The following GFUS variants were observed in gnomAD, a reference collection of about 807,000 sequenced individuals.
GFUS encodes the protein GDP-L-fucose synthase, also known as 3-5 epimerase/4-reductase.
In GFUS, 42 loss-of-function variants were observed where a neutral mutation model predicts 41.5. The ratio of observed to expected loss-of-function variants is 1.01; its 90% CI spans 0.79 to 1.31. GFUS has a LOEUF of 1.31. Among genes scored for constraint, GFUS ranks in the 50% most tolerant of loss-of-function variants. GFUS has a pLI of 0.00. For missense variants in GFUS, 437 were observed against 428.7 expected (o/e 1.02, Z -0.17); for synonymous variants, 188 against 173.4 (o/e 1.08, Z -0.66).
At chr8:143,615,646 C>T (rs1829706344) in intron 3 of GFUS, among the ~76,000 whole-genome samples, 1 of 152,196 alleles carries the variant, frequency 6.6e-6, no homozygotes, top group Non-Finnish European at 1.5e-5. Flanking sequence ...GGCCCTTACA[C>T]CACGCCCCCT....
rs769916787 is a variant in GFUS, at chr8:143,616,155, G to A, written c.212C>T (p.Ala71Val). 2 of 1,613,076 alleles carry A rather than the reference G, an allele frequency of 1.2e-6. No individual in the cohort carries two copies. The highest frequency in any genetic ancestry group is 1.1e-5 in the South Asian group (1 of 91,032). ...ATTCCGGAACAGGCCCCCCACCATT[G>A]CAGCAAGATGGATGACGTGTGTGGG... ...VQPTHVIHLA[A>V]MVGGLFRNIK... The change falls in exon 3 of 11, where the codon GCA becomes GTA. Residue 71 changes from alanine to valine, a missense_variant. Transcript: ENST00000425753.
intron 2 of GFUS, 49 bp downstream of exon 2, chr8:143,616,518 G>T (rs375190182): frequency 6.2e-5 from 100 of 1,611,286 alleles, no homozygotes; most frequent in Non-Finnish European, 6.9e-5. Flanking sequence ...GTTCTAGGGT[G>T]GGGGGTAGGA....
At chr8:143,613,459 C>T (rs530315174) in intron 9 of GFUS, 65 bp downstream of exon 9, 25 of 1,560,954 alleles carry the variant, frequency 1.6e-5, no homozygotes, top group South Asian at 7.9e-5. Flanking sequence ...GGCCCTACAC[C>T]GGGTGGCCAC....
At chr8:143,616,910 A>G in intron 1 of GFUS, 187 bp from the exon 2 acceptor site, 1 of 685,926 alleles carries the variant, frequency 1.5e-6, no homozygotes, top group Non-Finnish European at 2.4e-6. Context: ...CTCTCAGCCT[A>G]CAGCGCCGCA....
At chr8:143,616,976 A>C in intron 1 of GFUS, 2 of 553,246 alleles carry the variant, frequency 3.6e-6, no homozygotes, top group Non-Finnish European at 6.5e-6. Flanking sequence ...ACGACTCCCC[A>C]CTAGGCCGAG....
rs574552976 is a variant in GFUS, at chr8:143,613,217, G to T, written c.889C>A (p.Arg297=). Residue 297 remains arginine (R), a synonymous_variant, in exon 10 of 11, where the codon CGG becomes AGG. Transcript: ENST00000425753. ...TCACCCTGCTTGAAGGGTGTGAACC[G>T]GAAGTCGGGCAGGTAGGTCCTCAGC... ...SKLRTYLPDF[R]FTPFKQAVKE... 1.9e-6 allele frequency: 3 copies of T among 1,614,004 alleles called. No individual in the cohort carries two copies. In the Admixed American group the frequency reaches 5.0e-5, roughly 27 times the overall value.
At position 143,614,810 on chromosome 8, in the gene GFUS, T is replaced by C; in HGVS notation, c.367A>G (p.Thr123Ala). The change falls in exon 4 of 11, where the codon ACC becomes GCC. Residue 123 changes from threonine to alanine, a missense_variant. Coordinates refer to ENST00000425753, the MANE Select transcript of GFUS (RefSeq NM_003313.4). ...ACCATGGTCTCATCTATCGGGTAGG[T>C]CGTCTTGTCAGGGAAGATACAGGTG... ...LSTCIFPDKTTYPIDETMIHN... is the reference protein window; with the variant it reads ...LSTCIFPDKTAYPIDETMIHN... The C allele has an allele frequency of 6.2e-7, 1 of 1,613,418 alleles. No individual in the cohort carries two copies. Among genetic ancestry groups the C allele is most frequent in the Non-Finnish European group, 8.5e-7 (1 of 1,179,936 alleles).
chr8:143,615,212 T>G (rs1330701616), intron 3 of GFUS, among the ~76,000 whole-genome samples: 1 of 152,102 alleles, frequency 6.6e-6, no homozygotes, highest in South Asian at 2.1e-4. Context: ...AGGACCCCAC[T>G]GGAGGCTGGG....
intron 1 of GFUS, 174 bp from the exon 2 acceptor site, chr8:143,616,897 G>A: frequency 1.3e-6 from 1 of 755,536 alleles, no homozygotes; most frequent in South Asian, 1.8e-5. Flanking sequence ...GTTCCCCTGG[G>A]AGCTCTCAGC....
intron 9 of GFUS, 38 bp from the exon 10 acceptor site, chr8:143,613,333 TC>T: frequency 6.3e-7 from 1 of 1,590,808 alleles, no homozygotes; most frequent in Middle Eastern, 1.7e-4. Context: ...GAAGAGCACC[TC>T]CACCCCAGCC....
At chr8:143,615,211 C>T (rs1829694836) in intron 3 of GFUS, among the ~76,000 whole-genome samples, 1 of 152,204 alleles carries the variant, frequency 6.6e-6, no homozygotes, top group South Asian at 2.1e-4. Flanking sequence ...TAGGACCCCA[C>T]TGGAGGCTGG....
chr8:143,615,630 C>T (rs932315702), intron 3 of GFUS, among the ~76,000 whole-genome samples: 9 of 152,178 alleles, frequency 5.9e-5, no homozygotes, highest in Non-Finnish European at 8.8e-5. Context: ...CAGCTAGCCA[C>T]GGCAGGGCCC....
rs1290336760 is a variant in GFUS at position 143,616,705 on chromosome 8, T to C, written c.8A>G (p.Glu3Gly). Residue 3 changes from glutamate (E) to glycine (G), a missense_variant, in exon 2 of 11, where the codon GAA (glutamate) becomes GGA (glycine). By Grantham distance (98) the Glu-to-Gly change is moderately conservative. Transcript: ENST00000425753. MG[E>G]PQGSMRILVT... is the part of the protein sequence containing the mutation. ...TAGAATCCGCATGGATCCCTGGGGT[T>C]CACCCATGTCAGTTGCACCTGTAAT... The C allele has an allele frequency of 6.2e-7, 1 of 1,613,430 alleles. No homozygotes were observed. The highest frequency in any genetic ancestry group is 8.5e-7 in the Non-Finnish European group (1 of 1,179,974).
rs902066486 is a variant in GFUS at position 143,614,069 on chromosome 8, C to A, written c.663+95G>T. 5.3e-6 allele frequency: 8 copies of A among 1,521,316 alleles called. No homozygotes were observed. In the African/African-American group the frequency reaches 8.2e-5, roughly 16 times the overall value. The allele number at this position is 1,521,316 out of a possible 1,614,324, so 94.2% of individuals were successfully genotyped here. A position where few individuals can be genotyped will look rare whatever the true frequency, so the allele number is the denominator to read the frequency against. ...CCAGATTCTCTGCTGGTAGGAGCCT[C>A]CCTCCTGCACCACCTCCCCGACAGC... On this transcript the variant is annotated intron_variant, in intron 7 of 10. Transcript: ENST00000425753.
rs537458136 is a variant in GFUS, at chr8:143,613,719, G to A, written c.730+32C>T. The A allele has an allele frequency of 5.1e-5, 79 of 1,554,892 alleles. No individual in the cohort carries two copies. In the South Asian group the frequency reaches 9.1e-4, roughly 18 times the overall value. ...ACAACCTTGGATCCTGTCCTACCAT[G>A]GAGGAAGGGGGCTGAGGGCTGAGGT... On this transcript the variant is annotated intron_variant, in intron 8 of 10. Transcript: ENST00000425753.
In GFUS at chr8:143,613,778, T is replaced by C; in HGVS notation, c.703A>G (p.Asn235Asp). ...GAGAGGATGATGGGCTCCACTTCAT[T>C]GTACTCCCGCAGGACCCAGATAAAG... Reference protein sequence around the residue: ...QLFIWVLREYNEVEPIILSVG... With the variant: ...QLFIWVLREYDEVEPIILSVG... Residue 235 changes from asparagine to aspartate, a missense_variant, in exon 8 of 11, where the codon AAT becomes GAT. Asn to Asp is a conservative substitution (Grantham distance 23). Coordinates refer to ENST00000425753, the MANE Select transcript of GFUS (RefSeq NM_003313.4). The C allele has an allele frequency of 6.4e-7, 1 of 1,550,890 alleles. No homozygotes were observed.
In GFUS at chr8:143,612,847, G is replaced by T; in HGVS notation, c.*63C>A. The T allele has an allele frequency of 6.4e-7, 1 of 1,553,044 alleles. No homozygotes were observed. Reference sequence around the variant, plus strand: ...GCCCTCAGCTCCTGGCAGGGTTGACGGGTGGTGGCCGCTGGGCTCTGCCAG... The same window carrying T: ...GCCCTCAGCTCCTGGCAGGGTTGACTGGTGGTGGCCGCTGGGCTCTGCCAG... On this transcript the variant is annotated 3_prime_UTR_variant, in exon 11 of 11. Coordinates refer to ENST00000425753, the MANE Select transcript of GFUS (RefSeq NM_003313.4).
Position 143,614,304 on chromosome 8 carries a change from G to A in GFUS, c.598+16C>T, listed in dbSNP as rs754363935. 3.7e-6 allele frequency: 6 copies of A among 1,613,426 alleles called. No individual in the cohort carries two copies. The highest frequency in any genetic ancestry group is 3.3e-5 in the Admixed American group (2 of 59,996). On this transcript the variant is annotated intron_variant, in intron 6 of 10. Coordinates refer to ENST00000425753, the MANE Select transcript of GFUS (RefSeq NM_003313.4). ...CCGAGCTGAGCCCGGGCACCCCATC[G>A]GACGGACGCACTCACTCTTGGCCAG...
At chr8:143,615,986 C>T in intron 3 of GFUS, 120 bp downstream of exon 3, 1 of 854,302 alleles carries the variant, frequency 1.2e-6, no homozygotes, top group Non-Finnish European at 1.8e-6. Flanking sequence ...GTGCCAAGCC[C>T]TGATCCTCAG....
Sources: gnomAD v4.1 joint callset for allele counts (sites outside exome capture counted in the v4.1 genomes callset) on GRCh38, gnomAD v4.1.1 for gene constraint, MANE v1.5 for transcripts, NCBI Gene and HGNC (gene_info 2026-07-23, HGNC 2026-07-21) for gene names.